The following CCSER1 variants were observed in gnomAD, a reference collection of about 807,000 sequenced individuals.
CCSER1 encodes the protein coiled-coil serine rich protein 1, also known as serine-rich coiled-coil domain-containing protein 1.
A neutral mutation model predicts 82.0 loss-of-function variants in CCSER1; 41 were observed. The ratio of observed to expected loss-of-function variants is 0.50; its 90% confidence interval spans 0.39 to 0.65. The LOEUF (loss-of-function observed/expected upper bound fraction) is 0.65, where lower values mean the gene tolerates loss of function less well. Ranked by LOEUF, CCSER1 falls within the 30% of genes least tolerant of loss-of-function variation. The pLI, the probability that CCSER1 is intolerant of heterozygous loss-of-function variation, is 0.00. For missense variants in CCSER1, 1,119 were observed against 1,064.2 expected, an observed-to-expected ratio of 1.05 and a Z score of -0.72; for synonymous variants, 414 against 383.9, an observed-to-expected ratio of 1.08 and a Z score of -0.92.
rs558536550 is a variant in CCSER1, at chr4:90,340,216, T to C, written c.1509+27169T>C. Among the ~76,000 whole-genome samples the C allele has an allele frequency of 2.0e-3, 301 of 152,264 alleles. 4 individuals carry two copies. The highest frequency in any genetic ancestry group is 2.5e-4 in the Non-Finnish European group (17 of 68,012). ...CTCTTTTGGCCTCACAGTAGGAGGA[T>C]GAAATACTGCAAGTGGTAGAAGATT... On this transcript the variant is annotated intron_variant, in intron 3 of 10. Transcript: ENST00000509176.
At chr4:90,656,561 G>A (rs1276422404) in intron 6 of CCSER1, among the ~76,000 whole-genome samples, 1 of 151,670 alleles carries the variant, frequency 6.6e-6, no homozygotes, top group East Asian at 1.9e-4. Flanking sequence ...TGTCTCTAGT[G>A]ACAGCATATA....
chr4:91,541,090 A>G (rs1263221197), intron 10 of CCSER1, among the ~76,000 whole-genome samples: 1 of 152,258 alleles, frequency 6.6e-6, no homozygotes, highest in East Asian at 1.9e-4. Flanking sequence ...GCTTACTGTT[A>G]TTTCTATTGA....
chr4:91,072,340 T>G (rs1385339925), intron 9 of CCSER1, among the ~76,000 whole-genome samples: 1 of 152,204 alleles, frequency 6.6e-6, no homozygotes, highest in African/African-American at 2.4e-5. Flanking sequence ...AATTTCACAT[T>G]TTTTCCCAAG....
chr4:91,469,386 A>T (rs115719509), intron 10 of CCSER1, among the ~76,000 whole-genome samples: 1,912 of 152,306 alleles, frequency 0.013, 46 homozygotes, highest in African/African-American at 0.043. Context: ...TCTACATATA[A>T]TATTTTCCCT....
chr4:90,539,018 T>C lies in CCSER1; in HGVS notation c.1724+70664T>C, dbSNP rs111657267. Among the ~76,000 whole-genome samples, 979 of 152,156 alleles carry C rather than the reference T, an allele frequency of 6.4e-3. 9 individuals are homozygous for C. The highest frequency in any genetic ancestry group is 0.034 in the Middle Eastern group (10 of 294). ...ATGGATGTTTCTGCAAGTGACAAAA[T>C]CCATGAAAGAACTGAAAATGCAGTA... On this transcript the variant is annotated intron_variant, in intron 5 of 10. Coordinates refer to ENST00000509176, the MANE Select transcript of CCSER1 (RefSeq NM_001145065.2).
At chr4:91,272,005 A>C (rs4331741) in intron 10 of CCSER1, among the ~76,000 whole-genome samples, 17,080 of 152,216 alleles carry the variant, frequency 0.11, 1,403 homozygotes, top group African/African-American at 0.23. Flanking sequence ...CTTTATCTAC[A>C]CATTGATTGA....
At chr4:91,532,471 A>T (rs140437630) in intron 10 of CCSER1, among the ~76,000 whole-genome samples, 6 of 152,286 alleles carry the variant, frequency 3.9e-5, no homozygotes. Context: ...TACATACTTA[A>T]ACTAACTGGA....
At chr4:91,540,058 T>C (rs1337925698) in intron 10 of CCSER1, among the ~76,000 whole-genome samples, 3 of 152,122 alleles carry the variant, frequency 2.0e-5, no homozygotes, top group Admixed American at 6.6e-5. Context: ...GTGTTTTGTT[T>C]CACATTTTTA....
intron 7 of CCSER1, among the ~76,000 whole-genome samples, chr4:90,740,844 G>A (rs1024446530): frequency 6.6e-6 from 1 of 151,924 alleles, no homozygotes; most frequent in Non-Finnish European, 1.5e-5. Flanking sequence ...TCAGATATTG[G>A]GTCATAGTCT....
intron 10 of CCSER1, among the ~76,000 whole-genome samples, chr4:91,488,123 G>GA (rs1313585105): frequency 6.6e-6 from 1 of 151,928 alleles, no homozygotes; most frequent in Admixed American, 6.6e-5. Flanking sequence ...ACTTCAAAAG[G>GA]AAAAAAACGC....
intron 10 of CCSER1, among the ~76,000 whole-genome samples, chr4:91,105,420 A>C (rs1581565329): frequency 6.6e-6 from 1 of 152,166 alleles, no homozygotes; most frequent in South Asian, 2.1e-4. Flanking sequence ...AAAAAAAAAA[A>C]ATAGGCCAGG....
intron 3 of CCSER1, among the ~76,000 whole-genome samples, chr4:90,331,046 A>G (rs1047647931): frequency 6.6e-6 from 1 of 152,010 alleles, no homozygotes; most frequent in South Asian, 2.1e-4. Flanking sequence ...TGATTTATAA[A>G]TTTTGGTACT....
At chr4:90,658,801 A>T (rs1032737528) in intron 6 of CCSER1, among the ~76,000 whole-genome samples, 4 of 152,202 alleles carry the variant, frequency 2.6e-5, no homozygotes, top group Non-Finnish European at 4.4e-5. Flanking sequence ...TTTCTTTATG[A>T]AGAATGTAAT....
intron 7 of CCSER1, among the ~76,000 whole-genome samples, chr4:90,737,564 A>C (rs2149429899): frequency 6.6e-6 from 1 of 152,022 alleles, no homozygotes; most frequent in East Asian, 1.9e-4. Flanking sequence ...GTCCTTTTTT[A>C]GTTTAATTAT....
intron 1 of CCSER1, among the ~76,000 whole-genome samples, chr4:90,128,516 T>TGTGTGTGTGCGC (rs994567297): frequency 7.8e-6 from 1 of 128,504 alleles, no homozygotes; most frequent in African/African-American, 3.2e-5. Flanking sequence ...TGTGTGTGTG[T>TGTGTGTGTGCGC]GCGCGCGCGC....
intron 10 of CCSER1, among the ~76,000 whole-genome samples, chr4:91,490,916 ATAT>A (rs1758495867): frequency 2.3e-5 from 2 of 85,708 alleles, no homozygotes; most frequent in African/African-American, 4.3e-5. Flanking sequence ...ATATATATAT[ATAT>A]ATATATATAA....
intron 10 of CCSER1, among the ~76,000 whole-genome samples, chr4:91,280,178 A>T (rs1742807572): frequency 6.6e-6 from 1 of 152,196 alleles, no homozygotes; most frequent in Non-Finnish European, 1.5e-5. Flanking sequence ...CAAAGCAGTA[A>T]TGCTGGCACC....
At chr4:90,903,641 G>A (rs144503676) in intron 8 of CCSER1, among the ~76,000 whole-genome samples, 7 of 152,188 alleles carry the variant, frequency 4.6e-5, no homozygotes, top group African/African-American at 1.4e-4. Context: ...TGATTAGACT[G>A]TCATGGTTCA....
chr4:91,394,509 T>C (rs909327601), intron 10 of CCSER1, among the ~76,000 whole-genome samples: 5 of 152,034 alleles, frequency 3.3e-5, no homozygotes, highest in Non-Finnish European at 5.9e-5. Context: ...GCAGATAAAA[T>C]TGAATATACA....
Sources: allele counts gnomAD v4.1 joint callset (sites outside exome capture counted in the v4.1 genomes callset), GRCh38; gene constraint gnomAD v4.1.1; transcripts MANE v1.5; gene names NCBI Gene and HGNC (gene_info 2026-07-23, HGNC 2026-07-21).